Variants in MEGF11 observed in about 807,000 individuals in gnomAD.
MEGF11 encodes the protein multiple epidermal growth factor-like domains protein 11.
In MEGF11, 126 loss-of-function variants were observed where a neutral mutation model predicts 146.6. The ratio of observed to expected loss-of-function variants is 0.86; its 90% confidence interval spans 0.74 to 1.00. The LOEUF (loss-of-function observed/expected upper bound fraction) is 1.00, where lower values mean the gene tolerates loss of function less well. MEGF11 is among the 50% of genes least tolerant of loss of function. The probability of loss-of-function intolerance (pLI) is 0.00; values close to 1 mark genes in which losing one functional copy is unlikely to be tolerated. For synonymous variants in MEGF11, 532 were observed against 583.4 expected, an observed-to-expected ratio of 0.91 and a Z score of 1.27; for missense variants, 1,509 against 1,521.2, an observed-to-expected ratio of 0.99 and a Z score of 0.13.
chr15:66,045,060 G>T (rs2140315837), intron 5 of MEGF11, among the ~76,000 whole-genome samples: 2 of 152,256 alleles, frequency 1.3e-5, no homozygotes, highest in Admixed American at 1.3e-4. Flanking sequence ...TCTGGGTCCT[G>T]CTGCTATAAT....
At chr15:65,979,066 G>A (rs546630310) in intron 7 of MEGF11, among the ~76,000 whole-genome samples, 6 of 152,208 alleles carry the variant, frequency 3.9e-5, no homozygotes, top group East Asian at 1.9e-4. Flanking sequence ...GAGTCCTAAC[G>A]ATTAGGCTCC....
chr15:65,980,385 A>G (rs934408848), intron 7 of MEGF11, among the ~76,000 whole-genome samples: 1 of 146,574 alleles, frequency 6.8e-6, no homozygotes, highest in Admixed American at 6.9e-5. Context: ...AGAGTGGGAG[A>G]AGAATTCAGC....
chr15:65,979,706 G>A (rs1341017899), intron 7 of MEGF11, among the ~76,000 whole-genome samples: 1 of 152,166 alleles, frequency 6.6e-6, no homozygotes, highest in East Asian at 1.9e-4. Context: ...TGGCACCCAG[G>A]GATAGAAATC....
intron 5 of MEGF11, among the ~76,000 whole-genome samples, chr15:66,076,898 G>A (rs571866507): frequency 4.9e-4 from 74 of 152,332 alleles, no homozygotes; most frequent in African/African-American, 1.7e-3. Context: ...GCATTGCCCA[G>A]CTACCCAGAG....
intron 1 of MEGF11, among the ~76,000 whole-genome samples, chr15:66,169,762 G>C (rs2090195402): frequency 6.6e-6 from 1 of 152,202 alleles, no homozygotes; most frequent in Admixed American, 6.5e-5. Context: ...TTGACCCCGG[G>C]TGGTTGGGTG....
chr15:65,932,652 G>A (rs1040036782), intron 10 of MEGF11, among the ~76,000 whole-genome samples: 3 of 151,992 alleles, frequency 2.0e-5, no homozygotes, highest in Non-Finnish European at 4.4e-5. Flanking sequence ...GGTAAAAGTG[G>A]GGCTGGGAGT....
intron 1 of MEGF11, among the ~76,000 whole-genome samples, chr15:66,176,611 A>G (rs1432246539): frequency 1.3e-5 from 2 of 152,246 alleles, no homozygotes; most frequent in African/African-American, 4.8e-5. Flanking sequence ...GCCAGTGTTG[A>G]CAGAAAACAT....
intron 1 of MEGF11, among the ~76,000 whole-genome samples, chr15:66,139,081 C>T (rs1361501313): frequency 1.3e-5 from 2 of 152,230 alleles, no homozygotes; most frequent in African/African-American, 4.8e-5. Flanking sequence ...GTGATGATTC[C>T]AAGTCTGGAC....
intron 5 of MEGF11, among the ~76,000 whole-genome samples, chr15:66,002,847 A>T (rs996874849): frequency 6.6e-6 from 1 of 152,144 alleles, no homozygotes; most frequent in Non-Finnish European, 1.5e-5. Flanking sequence ...AACCTGAGCA[A>T]TCAGCTAGTC....
At chr15:66,128,439 T>C in intron 1 of MEGF11, 28 bp from the exon 2 acceptor site, 2 of 1,344,804 alleles carry the variant, frequency 1.5e-6, no homozygotes, top group African/African-American at 3.0e-5. Flanking sequence ...GGAGGCTGCG[T>C]CTGTGATCAG....
At chr15:66,193,492 A>G (rs1197823646) in intron 1 of MEGF11, among the ~76,000 whole-genome samples, 3 of 152,230 alleles carry the variant, frequency 2.0e-5, no homozygotes, top group Admixed American at 6.5e-5. Flanking sequence ...GAATAATTAG[A>G]TAAGTATATA....
At chr15:66,210,924 T>C (rs544547765) in intron 1 of MEGF11, among the ~76,000 whole-genome samples, 1 of 152,296 alleles carries the variant, frequency 6.6e-6, no homozygotes, top group East Asian at 1.9e-4. Flanking sequence ...AAGTCACAGA[T>C]GGCAAGAAAA....
chr15:65,946,250 A>G (rs952862191), intron 10 of MEGF11, among the ~76,000 whole-genome samples: 1 of 152,174 alleles, frequency 6.6e-6, no homozygotes, highest in Non-Finnish European at 1.5e-5. Flanking sequence ...CCTACAAGAA[A>G]CATCCACGTG....
chr15:66,015,945 G>T lies in MEGF11; in HGVS notation c.395-33457C>A, dbSNP rs971642358. Among the ~76,000 whole-genome samples, 6 of 151,414 alleles carry T rather than the reference G, an allele frequency of 4.0e-5. No homozygotes were observed. The South Asian group carries it at 1.1e-3, about 27-fold the overall frequency. Reference sequence around the variant, plus strand: ...GTGGGGTAGTGGGAGTTGGTGGGGGGGCTCTGGTAGATTCATCAGAGCCCA... The same window carrying T: ...GTGGGGTAGTGGGAGTTGGTGGGGGTGCTCTGGTAGATTCATCAGAGCCCA... On this transcript the variant is annotated intron_variant, in intron 5 of 25. Coordinates refer to ENST00000395614, the MANE Select transcript of MEGF11 (RefSeq NM_001385028.1).
At chr15:66,130,673 G>GAAGC (rs2088603645) in intron 1 of MEGF11, among the ~76,000 whole-genome samples, 2 of 135,030 alleles carry the variant, frequency 1.5e-5, no homozygotes, top group African/African-American at 5.5e-5. Context: ...AGGAAGGAAG[G>GAAGC]AAAAGGAAAG....
chr15:66,187,047 ATCTC>A (rs1231573794), intron 1 of MEGF11, among the ~76,000 whole-genome samples: 3 of 152,234 alleles, frequency 2.0e-5, no homozygotes, highest in Non-Finnish European at 1.5e-5. Flanking sequence ...ATTATGATCT[ATCTC>A]TCAAAATGCA....
chr15:66,038,787 A>G lies in MEGF11; in HGVS notation c.394+55615T>C, dbSNP rs572433536. On this transcript the variant is annotated intron_variant, in intron 5 of 25. Transcript: ENST00000395614. ...GCAGTTTCCTAGGGCAGATGATGAGAAATTGAGCCAAGTTCACAAATCCAA... is the reference window on the plus strand; with the variant it reads ...GCAGTTTCCTAGGGCAGATGATGAGGAATTGAGCCAAGTTCACAAATCCAA... 1.5e-4 allele frequency among the ~76,000 whole-genome samples: 23 copies of G among 152,218 alleles called. No individual in the cohort carries two copies. The South Asian group carries it at 4.8e-3, about 32-fold the overall frequency.
intron 13 of MEGF11, among the ~76,000 whole-genome samples, chr15:65,923,511 T>C: frequency 6.6e-6 from 1 of 152,202 alleles, no homozygotes; most frequent in East Asian, 1.9e-4. Flanking sequence ...TAGGATCTTT[T>C]CAGATTCTTC....
chr15:65,900,723 T>G (rs1210735860), intron 24 of MEGF11, among the ~76,000 whole-genome samples: 1 of 152,234 alleles, frequency 6.6e-6, no homozygotes, highest in African/African-American at 2.4e-5. Flanking sequence ...CAGAGCAAAC[T>G]CTGTAGAACC....
Sources: allele counts gnomAD v4.1 joint callset (sites outside exome capture counted in the v4.1 genomes callset), GRCh38; gene constraint gnomAD v4.1.1; transcripts MANE v1.5; gene names NCBI Gene and HGNC (gene_info 2026-07-23, HGNC 2026-07-21).